ROCK1: variants seen among roughly 807,000 people sequenced by gnomAD.
ROCK1 encodes the protein rho-associated protein kinase 1.
A neutral mutation model predicts 196.8 loss-of-function variants in ROCK1; 36 were observed. That is an observed-to-expected ratio of 0.18 (90% CI 0.14 to 0.24). The LOEUF (loss-of-function observed/expected upper bound fraction) is 0.24. ROCK1 is among the 10% of genes least tolerant of loss of function. The pLI is 1.00. For synonymous variants in ROCK1, 443 were observed against 515.9 expected (o/e 0.86, Z 1.91); for missense variants, 920 against 1,562.0 (o/e 0.59, Z 6.93).
intron 16 of ROCK1, among the ~76,000 whole-genome samples, chr18:21,004,179 A>C (rs1005761567): frequency 3.3e-5 from 5 of 152,176 alleles, no homozygotes; most frequent in Non-Finnish European, 5.9e-5. Context: ...TACAGATGTC[A>C]AGCTAAGAAT....
At chr18:21,024,501 C>G (rs2035940089) in intron 10 of ROCK1, among the ~76,000 whole-genome samples, 1 of 152,214 alleles carries the variant, frequency 6.6e-6, no homozygotes, top group South Asian at 2.1e-4. Flanking sequence ...CTTCTACCAT[C>G]ACCACCACTA....
At chr18:21,049,063 G>T in intron 4 of ROCK1, 29 bp downstream of exon 4, 1 of 1,540,868 alleles carries the variant, frequency 6.5e-7, no homozygotes, top group Non-Finnish European at 8.8e-7. Flanking sequence ...AACTAATGCA[G>T]CAATAATGAA....
intron 29 of ROCK1, among the ~76,000 whole-genome samples, chr18:20,957,719 C>T (rs2035258179): frequency 6.6e-6 from 1 of 151,758 alleles, no homozygotes; most frequent in Non-Finnish European, 1.5e-5. Flanking sequence ...CTCCTGACCT[C>T]GTGATCCTCC....
chr18:20,958,319 T>G (rs2035266645), intron 29 of ROCK1, among the ~76,000 whole-genome samples: 2 of 152,134 alleles, frequency 1.3e-5, no homozygotes, highest in African/African-American at 4.8e-5. Flanking sequence ...TCCAAAGGGA[T>G]GATAATACTT....
intron 1 of ROCK1, among the ~76,000 whole-genome samples, chr18:21,083,425 C>T (rs2036498375): frequency 6.6e-6 from 1 of 152,136 alleles, no homozygotes; most frequent in Non-Finnish European, 1.5e-5. Context: ...TCAAAAATCA[C>T]TACAAAGCTA....
At chr18:21,071,327 C>A (rs371213708) in intron 1 of ROCK1, among the ~76,000 whole-genome samples, 1 of 151,790 alleles carries the variant, frequency 6.6e-6, no homozygotes, top group Non-Finnish European at 1.5e-5. Context: ...TACAGGCTCA[C>A]GCTACCACAC....
chr18:21,047,195 C>G lies in ROCK1; in HGVS notation c.415-1728G>C, dbSNP rs116539696. Reference sequence around the variant, plus strand: ...AAATTGTAAATAGCCCTGAAAGTAACAATTATGTCACATATTTTTTCACTA... The same window carrying G: ...AAATTGTAAATAGCCCTGAAAGTAAGAATTATGTCACATATTTTTTCACTA... On this transcript the variant is annotated intron_variant, in intron 4 of 32. Transcript: ENST00000399799. Among the ~76,000 whole-genome samples, 1,215 of 152,156 alleles carry G rather than the reference C, an allele frequency of 8.0e-3. 12 individuals carry two copies. The highest frequency in any genetic ancestry group is 0.028 in the African/African-American group (1,162 of 41,492).
At chr18:21,067,276 C>CGTA (rs1187035513) in intron 2 of ROCK1, among the ~76,000 whole-genome samples, 1 of 150,788 alleles carries the variant, frequency 6.6e-6, no homozygotes, top group Non-Finnish European at 1.5e-5. Flanking sequence ...AACTATTTGT[C>CGTA]TTATTATTAT....
intron 16 of ROCK1, among the ~76,000 whole-genome samples, chr18:21,002,790 G>C (rs2035736579): frequency 6.6e-6 from 1 of 152,172 alleles, no homozygotes; most frequent in African/African-American, 2.4e-5. Context: ...TGCCCAGGCT[G>C]AAGTACAGTG....
At chr18:21,018,937 T>C (rs768152213) in intron 12 of ROCK1, among the ~76,000 whole-genome samples, 7 of 152,290 alleles carry the variant, frequency 4.6e-5, no homozygotes, top group African/African-American at 1.7e-4. Context: ...TGCTAGGTAA[T>C]TTAAAATAAA....
chr18:20,989,671 T>A (rs2035606549), intron 18 of ROCK1, among the ~76,000 whole-genome samples: 1 of 151,810 alleles, frequency 6.6e-6, no homozygotes, highest in South Asian at 2.1e-4. Flanking sequence ...ATAATGGAGG[T>A]AAAAAGGTTG....
chr18:21,049,301 T>C, intron 3 of ROCK1, 72 bp from the exon 4 acceptor site: 1 of 1,173,752 alleles, frequency 8.5e-7, no homozygotes, highest in Non-Finnish European at 1.2e-6. Flanking sequence ...CAGAACAATT[T>C]ACTAAGTGCT....
chr18:21,051,866 A>G (rs2036206409), intron 2 of ROCK1, among the ~76,000 whole-genome samples: 1 of 152,194 alleles, frequency 6.6e-6, no homozygotes. Context: ...GAAGCCATGA[A>G]AAGGAATTAT....
intron 22 of ROCK1, 85 bp from the exon 23 acceptor site, chr18:20,970,598 C>T: frequency 1.2e-6 from 1 of 851,992 alleles, no homozygotes; most frequent in Non-Finnish European, 1.8e-6. Context: ...ACACAATTAA[C>T]TTTAAATGAT....
At chr18:21,059,232 T>C (rs961697913) in intron 2 of ROCK1, among the ~76,000 whole-genome samples, 1 of 152,180 alleles carries the variant, frequency 6.6e-6, no homozygotes, top group African/African-American at 2.4e-5. Flanking sequence ...TTCCAGATGT[T>C]ATCACTAGCC....
In ROCK1 at chr18:21,043,602, T is replaced by C. The variant is rs555429221; in HGVS notation, c.675+500A>G. Among the ~76,000 whole-genome samples, 18 of 148,200 alleles carry C rather than the reference T, an allele frequency of 1.2e-4. No homozygotes were observed. In the East Asian group the frequency reaches 2.5e-3, roughly 21 times the overall value. On this transcript the variant is annotated intron_variant, in intron 6 of 32. Transcript: ENST00000399799. ...TATATGTATATACATATACATAATA[T>C]GTATATACATATACAGCTGTGTATA... is the stretch of plus-strand genomic sequence containing the variant.
intron 2 of ROCK1, among the ~76,000 whole-genome samples, chr18:21,069,886 TC>T (rs1291460478): frequency 6.6e-6 from 1 of 151,738 alleles, no homozygotes; most frequent in Non-Finnish European, 1.5e-5. Context: ...AACTAAAAGA[TC>T]ATAAAATTAA....
intron 4 of ROCK1, among the ~76,000 whole-genome samples, chr18:21,045,847 A>G (rs1469773487): frequency 1.3e-5 from 2 of 151,066 alleles, no homozygotes; most frequent in Non-Finnish European, 2.9e-5. Context: ...AATTTATATC[A>G]ATATCACAAT....
intron 22 of ROCK1, 89 bp downstream of exon 22, chr18:20,979,821 C>T (rs1346337586): frequency 7.1e-7 from 1 of 1,402,622 alleles, no homozygotes; most frequent in African/African-American, 1.5e-5. Flanking sequence ...ACCATTCCCA[C>T]CAGAATAATG....
Sources: allele counts gnomAD v4.1 joint callset (sites outside exome capture counted in the v4.1 genomes callset), GRCh38; gene constraint gnomAD v4.1.1; transcripts MANE v1.5; gene names NCBI Gene and HGNC (gene_info 2026-07-23, HGNC 2026-07-21).